Variants in UBE2E2 observed in about 807,000 individuals in gnomAD.
UBE2E2 encodes the protein ubiquitin-conjugating enzyme E2 E2.
In UBE2E2, 6 loss-of-function variants were observed where a neutral mutation model predicts 24.7. The observed-to-expected ratio is 0.24, with a 90% CI of 0.13 to 0.48. UBE2E2 has a LOEUF of 0.48. Among genes scored for constraint, UBE2E2 ranks in the 20% least tolerant of loss-of-function variants. The pLI is 0.99. For synonymous variants in UBE2E2, 104 were observed against 83.6 expected (o/e 1.24, Z -1.33); for missense variants, 169 against 245.0 (o/e 0.69, Z 2.07).
At chr3:23,438,368 A>T (rs1022339847) in intron 3 of UBE2E2, among the ~76,000 whole-genome samples, 10 of 152,228 alleles carry the variant, frequency 6.6e-5, no homozygotes, top group African/African-American at 1.9e-4. Context: ...TTTATTCCAT[A>T]GGAGCCTGTG....
chr3:23,254,086 T>C (rs1402155381), intron 3 of UBE2E2, among the ~76,000 whole-genome samples: 1 of 152,220 alleles, frequency 6.6e-6, no homozygotes, highest in Admixed American at 6.5e-5. Flanking sequence ...AACCACATGT[T>C]CTGAGAGTAC....
Position 23,458,653 on chromosome 3 carries a change from G to A in UBE2E2, c.228-40955G>A, listed in dbSNP as rs1297832005. The stretch of plus-strand genomic sequence containing the variant: ...AGGATGGTCTCAATCTCCTGACCTC[G>A]TGATCCGCCCACCTCGGCCTCCCAA... On this transcript the variant is annotated intron_variant, in intron 3 of 5. Coordinates refer to ENST00000396703, the MANE Select transcript of UBE2E2 (RefSeq NM_152653.4). Among the ~76,000 whole-genome samples the A allele has an allele frequency of 5.3e-4, 80 of 152,164 alleles. 1 individual carries two copies. The highest frequency in any genetic ancestry group is 5.1e-3 in the Admixed American group (78 of 15,298).
chr3:23,248,829 T>C (rs1186449189), intron 3 of UBE2E2, among the ~76,000 whole-genome samples: 1 of 152,220 alleles, frequency 6.6e-6, no homozygotes, highest in African/African-American at 2.4e-5. Context: ...TCATCTGTTA[T>C]TCAGCCGAAT....
intron 3 of UBE2E2, among the ~76,000 whole-genome samples, chr3:23,384,485 G>C (rs1274796968): frequency 6.6e-6 from 1 of 151,710 alleles, no homozygotes; most frequent in East Asian, 1.9e-4. Context: ...CACTAAAAAA[G>C]GGAGCAACAT....
At chr3:23,399,380 G>A (rs1260062801) in intron 3 of UBE2E2, among the ~76,000 whole-genome samples, 3 of 152,182 alleles carry the variant, frequency 2.0e-5, no homozygotes. Flanking sequence ...CTGCCTAAGT[G>A]ACTAAAGGGC....
At chr3:23,472,621 G>A (rs1699052846) in intron 3 of UBE2E2, among the ~76,000 whole-genome samples, 1 of 150,666 alleles carries the variant, frequency 6.6e-6, no homozygotes, top group African/African-American at 2.5e-5. Flanking sequence ...AGATTAAATT[G>A]GATTTTGTCA....
chr3:23,298,263 A>C (rs1213880553), intron 3 of UBE2E2, among the ~76,000 whole-genome samples: 1 of 152,068 alleles, frequency 6.6e-6, no homozygotes, highest in East Asian at 1.9e-4. Context: ...TCTTTTCCTA[A>C]TTGAATGCCC....
intron 3 of UBE2E2, among the ~76,000 whole-genome samples, chr3:23,339,049 A>T (rs1261428257): frequency 6.6e-6 from 1 of 152,208 alleles, no homozygotes; most frequent in Non-Finnish European, 1.5e-5. Flanking sequence ...CATCTTCTTA[A>T]CCAACTAATC....
intron 3 of UBE2E2, among the ~76,000 whole-genome samples, chr3:23,371,712 C>A (rs991362986): frequency 3.3e-5 from 5 of 152,036 alleles, no homozygotes; most frequent in African/African-American, 1.2e-4. Context: ...AGAATGAAAC[C>A]TTCTGAATAA....
At chr3:23,253,125 A>G (rs1206811228) in intron 3 of UBE2E2, among the ~76,000 whole-genome samples, 1 of 152,164 alleles carries the variant, frequency 6.6e-6, no homozygotes. Context: ...AGGAGAAAAC[A>G]GATTTGGAGG....
chr3:23,348,990 A>ACC (rs1344816756), intron 3 of UBE2E2, among the ~76,000 whole-genome samples: 7 of 151,580 alleles, frequency 4.6e-5, no homozygotes, highest in African/African-American at 1.7e-4. Context: ...TCCCCTGACC[A>ACC]CCCCCCCACC....
intron 3 of UBE2E2, among the ~76,000 whole-genome samples, chr3:23,288,359 C>A (rs1027104386): frequency 6.6e-6 from 1 of 152,116 alleles, no homozygotes; most frequent in African/African-American, 2.4e-5. Flanking sequence ...GGGAATGATT[C>A]ATGTGCTGAG....
chr3:23,280,915 T>G lies in UBE2E2; in HGVS notation c.227+63603T>G, dbSNP rs1010790932. On this transcript the variant is annotated intron_variant, in intron 3 of 5. Transcript: ENST00000396703. The surrounding 1 kb of genome is among the most constrained non-coding windows in gnomAD (Gnocchi z 4.3). ...ATTTATTTCTCACAACTCAGGAGAT[T>G]GGGAAGTCCAAGATCAAAGTGCTGG... Among the ~76,000 whole-genome samples the G allele has an allele frequency of 1.3e-5, 2 of 152,336 alleles. No homozygotes were observed. Among genetic ancestry groups the G allele is most frequent in the East Asian group, 3.9e-4 (2 of 5,188 alleles).
rs549929580 is a variant in UBE2E2, at chr3:23,491,878, G to A, written c.228-7730G>A. On this transcript the variant is annotated intron_variant, in intron 3 of 5. Coordinates refer to ENST00000396703, the MANE Select transcript of UBE2E2 (RefSeq NM_152653.4). ...CCATAATCTAAATGAGAGCTGATGCGGCCAATAATCAGAGTACAGAGATAA... is the reference window on the plus strand; with the variant it reads ...CCATAATCTAAATGAGAGCTGATGCAGCCAATAATCAGAGTACAGAGATAA... Among the ~76,000 whole-genome samples, 128 of 152,234 alleles carry A rather than the reference G, an allele frequency of 8.4e-4. 4 individuals carry two copies. The South Asian group carries it at 0.024, about 28-fold the overall frequency.
chr3:23,557,166 TGGTGGTG>T (rs1208232183), intron 5 of UBE2E2, among the ~76,000 whole-genome samples: 9 of 152,196 alleles, frequency 5.9e-5, no homozygotes, highest in Non-Finnish European at 1.2e-4. Context: ...GTGTTTGTGT[TGGTGGTG>T]GACTAAATCA....
chr3:23,216,278 G>T (rs1310614959), intron 2 of UBE2E2, among the ~76,000 whole-genome samples: 4 of 152,106 alleles, frequency 2.6e-5, no homozygotes, highest in Admixed American at 6.6e-5. Flanking sequence ...CTATTGGAGG[G>T]ATCCCATTTA....
chr3:23,323,022 A>G (rs1177069539), intron 3 of UBE2E2, among the ~76,000 whole-genome samples: 1 of 152,042 alleles, frequency 6.6e-6, no homozygotes, highest in Non-Finnish European at 1.5e-5. Context: ...TAATATAAAT[A>G]TATAATATCG....
intron 5 of UBE2E2, among the ~76,000 whole-genome samples, chr3:23,566,106 C>A (rs991212970): frequency 1.3e-5 from 2 of 152,134 alleles, no homozygotes; most frequent in Non-Finnish European, 2.9e-5. Context: ...TAGTCTTAGC[C>A]CTCTGTCAAA....
rs555048619 is a variant in UBE2E2, at chr3:23,226,326, C to G, written c.227+9014C>G. Among the ~76,000 whole-genome samples the G allele has an allele frequency of 1.3e-5, 2 of 152,228 alleles. 1 individual carries two copies. The highest frequency in any genetic ancestry group is 4.8e-5 in the African/African-American group (2 of 41,536). ...ATGCGTGATCTCTACAAAGAACAAC[C>G]AATGCAAAATCTAATTATTGTCACT... On this transcript the variant is annotated intron_variant, in intron 3 of 5. Coordinates refer to ENST00000396703, the MANE Select transcript of UBE2E2 (RefSeq NM_152653.4).
Sources: gnomAD v4.1 joint callset for allele counts (sites outside exome capture counted in the v4.1 genomes callset) on GRCh38, gnomAD v4.1.1 for gene constraint, Gnocchi (gnomAD v3.1) non-coding constraint, MANE v1.5 for transcripts, NCBI Gene and HGNC (gene_info 2026-07-23, HGNC 2026-07-21) for gene names.